Variants in LOXL2 observed in about 807,000 individuals in gnomAD.
LOXL2 encodes lysyl oxidase like 2.
In LOXL2, 70 loss-of-function variants were observed where a neutral mutation model predicts 93.0. The observed-to-expected ratio is 0.75, with a 90% CI of 0.62 to 0.92. The LOEUF is 0.92. LOXL2 is among the 40% of genes least tolerant of loss of function. The probability of loss-of-function intolerance (pLI) is 0.00; values close to 1 mark genes in which losing one functional copy is unlikely to be tolerated. For missense variants in LOXL2, 973 were observed against 1,054.9 expected (o/e 0.92, Z 1.08); for synonymous variants, 438 against 413.2 (o/e 1.06, Z -0.73).
intron 3 of LOXL2, among the ~76,000 whole-genome samples, chr8:23,358,195 G>A (rs994464976): frequency 1.4e-4 from 21 of 152,172 alleles, no homozygotes; most frequent in Non-Finnish European, 2.6e-4. Context: ...GAAGACTGAC[G>A]AAAGTATATC....
intron 5 of LOXL2, chr8:23,328,861 C>T (rs1046010922): frequency 1.3e-4 from 44 of 342,330 alleles, no homozygotes; most frequent in African/African-American, 8.8e-4. Context: ...CCATTGGGGA[C>T]CGTCGATCAC....
Position 23,333,524 on chromosome 8 carries a change from C to T in LOXL2, c.843G>A (p.Val281=), listed in dbSNP as rs1803740289. Reference sequence around the variant, plus strand: ...TGACATTCTTCATGGGGTCCAGTGACACCTGGGGGCCCAGCTTGCAGCTGG... The same window carrying T: ...TGACATTCTTCATGGGGTCCAGTGATACCTGGGGGCCCAGCTTGCAGCTGG... ...HISSCKLGPQ[V]SLDPMKNVTC... is the part of the protein sequence containing the mutation. The change falls in exon 5 of 14, where the codon GTG becomes GTA. Residue 281 remains valine (V), a synonymous_variant. Transcript: ENST00000389131. The T allele has an allele frequency of 1.9e-6, 3 of 1,613,904 alleles. No homozygotes were observed. The highest frequency in any genetic ancestry group is 2.7e-5 in the African/African-American group (2 of 74,958).
rs377470039 is a variant in LOXL2 at position 23,342,533 on chromosome 8, G to A, written c.532-1330C>T. On this transcript the variant is annotated intron_variant, in intron 3 of 13. Transcript: ENST00000389131. ...TGCAAGCTCCGCCTCCCGGGTTCAC[G>A]CCATTCTCCTGCCTCAGCCTCCCAA... Among the ~76,000 whole-genome samples the A allele has an allele frequency of 2.8e-3, 419 of 149,816 alleles. 2 individuals are homozygous for A. Among genetic ancestry groups the A allele is most frequent in the African/African-American group, 9.8e-3 (399 of 40,696 alleles).
chr8:23,351,042 G>C (rs1804084233), intron 3 of LOXL2, among the ~76,000 whole-genome samples: 1 of 152,166 alleles, frequency 6.6e-6, no homozygotes, highest in Non-Finnish European at 1.5e-5. Flanking sequence ...ACAGTCATGA[G>C]GCATGAGACT....
At chr8:23,317,937 G>C (rs1400220692) in intron 8 of LOXL2, among the ~76,000 whole-genome samples, 3 of 149,822 alleles carry the variant, frequency 2.0e-5, no homozygotes, top group Non-Finnish European at 3.0e-5. Context: ...AGACCATCAG[G>C]ATAGGAAGGG....
At chr8:23,395,623 T>C (rs1044021987) in intron 1 of LOXL2, among the ~76,000 whole-genome samples, 4 of 152,198 alleles carry the variant, frequency 2.6e-5, no homozygotes, top group Non-Finnish European at 5.9e-5. Flanking sequence ...TCGATGACAC[T>C]TGAAAGTGTC....
chr8:23,340,365 G>T (rs1348689299), intron 4 of LOXL2, among the ~76,000 whole-genome samples: 3 of 152,072 alleles, frequency 2.0e-5, no homozygotes, highest in African/African-American at 7.2e-5. Context: ...TCAGCTTGTT[G>T]GGGTGCTGGA....
At chr8:23,370,193 C>T (rs748224843) in intron 1 of LOXL2, among the ~76,000 whole-genome samples, 4 of 152,160 alleles carry the variant, frequency 2.6e-5, no homozygotes, top group Admixed American at 2.6e-4. Context: ...CACATCCCAT[C>T]ATATCAGCCT....
intron 8 of LOXL2, among the ~76,000 whole-genome samples, chr8:23,317,476 T>C (rs1222239693): frequency 6.6e-6 from 1 of 152,140 alleles, no homozygotes; most frequent in African/African-American, 2.4e-5. Flanking sequence ...CAGCACTCTC[T>C]CCTCTAAGCC....
intron 1 of LOXL2, among the ~76,000 whole-genome samples, chr8:23,391,096 T>C (rs1413791276): frequency 6.6e-6 from 1 of 152,150 alleles, no homozygotes; most frequent in Non-Finnish European, 1.5e-5. Flanking sequence ...AGTTGCCCCA[T>C]GATTCAATTA....
At chr8:23,400,101 G>A (rs1418895085) in intron 1 of LOXL2, among the ~76,000 whole-genome samples, 2 of 152,206 alleles carry the variant, frequency 1.3e-5, no homozygotes, top group East Asian at 1.9e-4. Flanking sequence ...TCCAACTTAT[G>A]AGTCTCATTA....
chr8:23,392,790 G>A (rs1368472352), intron 1 of LOXL2, among the ~76,000 whole-genome samples: 3 of 152,004 alleles, frequency 2.0e-5, no homozygotes, highest in Non-Finnish European at 2.9e-5. Flanking sequence ...TTTAAGAATC[G>A]ACTCACGTGT....
chr8:23,368,493 A>G, intron 1 of LOXL2, 59 bp from the exon 2 acceptor site: 2 of 682,526 alleles, frequency 2.9e-6, no homozygotes, highest in South Asian at 3.5e-5. Flanking sequence ...ACCTACATAG[A>G]GAACCAGCGA....
chr8:23,306,434 A>AT (rs1803229895), intron 10 of LOXL2, among the ~76,000 whole-genome samples: 1 of 152,220 alleles, frequency 6.6e-6, no homozygotes, highest in East Asian at 1.9e-4. Context: ...TCCATCCCAG[A>AT]AGGAGCTGCC....
intron 1 of LOXL2, among the ~76,000 whole-genome samples, chr8:23,384,885 G>A (rs1585381567): frequency 6.6e-6 from 1 of 152,320 alleles, no homozygotes; most frequent in African/African-American, 2.4e-5. Context: ...TTGTATTCCA[G>A]ACGGAGTGAA....
At chr8:23,367,023 G>A (rs1804413221) in intron 2 of LOXL2, among the ~76,000 whole-genome samples, 1 of 152,132 alleles carries the variant, frequency 6.6e-6, no homozygotes, top group Non-Finnish European at 1.5e-5. Flanking sequence ...CCTCAAAGCT[G>A]TTAAAGCAAT....
In LOXL2 at chr8:23,317,013, G is replaced by A. The variant is rs142665521; in HGVS notation, c.1572C>T (p.Asp524=). Residue 524 remains aspartate (D), a synonymous_variant, in exon 9 of 14, where the codon GAC becomes GAT. Transcript: ENST00000389131. ...TELSLAHCRH[D]GEDVACPQGG... is the part of the protein sequence containing the mutation. Reference sequence around the variant, plus strand: ...CCTGGGGGCAGGCCACGTCCTCCCCGTCGTGGCGGCAGTGCGCCAGGGACA... The same window carrying A: ...CCTGGGGGCAGGCCACGTCCTCCCCATCGTGGCGGCAGTGCGCCAGGGACA... The A allele has an allele frequency of 1.5e-3, 2,440 of 1,614,092 alleles. 4 individuals carry two copies. Among genetic ancestry groups the A allele is most frequent in the Non-Finnish European group, 1.7e-3 (2,046 of 1,179,986 alleles).
At chr8:23,299,630 G>C (rs1000692476) in intron 12 of LOXL2, among the ~76,000 whole-genome samples, 2 of 152,154 alleles carry the variant, frequency 1.3e-5, no homozygotes, top group South Asian at 2.1e-4. Context: ...GTGAGGACCC[G>C]AGGAGAAAAG....
At position 23,378,755 on chromosome 8, in the gene LOXL2, G is replaced by A. The variant is rs564131209; in HGVS notation, c.-83-10321C>T. ...AACGGCTACTGAAGCTTGTGCATTC[G>A]TCACGTAGTTCTCGTGCCATGGTTT... On this transcript the variant is annotated intron_variant, in intron 1 of 13. Transcript: ENST00000389131. Among the ~76,000 whole-genome samples the A allele has an allele frequency of 5.9e-5, 9 of 152,154 alleles. No homozygotes were observed. In the East Asian group the frequency reaches 9.6e-4, roughly 16 times the overall value.
Sources: allele counts gnomAD v4.1 joint callset (sites outside exome capture counted in the v4.1 genomes callset), GRCh38; gene constraint gnomAD v4.1.1; transcripts MANE v1.5; gene names NCBI Gene and HGNC (gene_info 2026-07-23, HGNC 2026-07-21).